Variants in LARS1 observed in about 807,000 individuals in gnomAD.
LARS1 encodes the protein leucyl-tRNA synthetase 1.
A neutral mutation model predicts 162.8 loss-of-function variants in LARS1; 100 were observed. The ratio of observed to expected loss-of-function variants is 0.61; its 90% CI spans 0.52 to 0.73. The LOEUF is 0.73. Among genes scored for constraint, LARS1 ranks in the 30% least tolerant of loss-of-function variants. LARS1 has a pLI of 0.00. For synonymous variants in LARS1, 457 were observed against 462.8 expected (o/e 0.99, Z 0.16); for missense variants, 1,258 against 1,408.9 (o/e 0.89, Z 1.71).
At chr5:146,170,588 A>G (rs1445210162) in intron 4 of LARS1, among the ~76,000 whole-genome samples, 1 of 152,210 alleles carries the variant, frequency 6.6e-6, no homozygotes, top group Non-Finnish European at 1.5e-5. Flanking sequence ...GGAGGGGATA[A>G]CAGGACTCTG....
intron 14 of LARS1, among the ~76,000 whole-genome samples, chr5:146,150,372 T>C (rs766237903): frequency 1.3e-5 from 2 of 152,202 alleles, no homozygotes; most frequent in Non-Finnish European, 2.9e-5. Context: ...TGCATTCTCT[T>C]TTGACATTCT....
chr5:146,154,238 G>A (rs1218277913), intron 10 of LARS1, among the ~76,000 whole-genome samples: 2 of 152,044 alleles, frequency 1.3e-5, no homozygotes, highest in Admixed American at 6.6e-5. Context: ...ATTCACAGGT[G>A]CTATCATAGC....
chr5:146,129,925 G>C, intron 25 of LARS1, 93 bp downstream of exon 25: 1 of 1,318,522 alleles, frequency 7.6e-7, no homozygotes, highest in Admixed American at 2.3e-5. Context: ...CTCACTTTCA[G>C]ACTTTCTCTC....
At chr5:146,170,464 C>T (rs1754210286) in intron 4 of LARS1, among the ~76,000 whole-genome samples, 2 of 142,928 alleles carry the variant, frequency 1.4e-5, no homozygotes, top group East Asian at 2.0e-4. Flanking sequence ...AGCAAGATTC[C>T]GTCTCAAAAA....
At chr5:146,152,645 C>T (rs1218961689) in intron 13 of LARS1, among the ~76,000 whole-genome samples, 1 of 152,136 alleles carries the variant, frequency 6.6e-6, no homozygotes. Context: ...TCCCTGGTGC[C>T]AAAAAGGTTG....
intron 4 of LARS1, among the ~76,000 whole-genome samples, chr5:146,170,225 G>A (rs1754200392): frequency 6.6e-6 from 1 of 152,192 alleles, no homozygotes; most frequent in South Asian, 2.1e-4. Flanking sequence ...TCAGCACTGT[G>A]GGAAGCCAAG....
intron 29 of LARS1, among the ~76,000 whole-genome samples, chr5:146,123,629 GA>G (rs1034055510): frequency 2.0e-4 from 31 of 151,378 alleles, no homozygotes; most frequent in Middle Eastern, 3.4e-3. Context: ...AGGGAGGGGG[GA>G]AAAAAGGCAA....
chr5:146,149,510 T>A, intron 15 of LARS1, 112 bp downstream of exon 15: 1 of 768,716 alleles, frequency 1.3e-6, no homozygotes, highest in East Asian at 2.5e-5. Context: ...CAAAACTGTA[T>A]GATATTTTTA....
At chr5:146,135,374 T>C (rs1289521190) in intron 22 of LARS1, among the ~76,000 whole-genome samples, 1 of 152,116 alleles carries the variant, frequency 6.6e-6, no homozygotes, top group Non-Finnish European at 1.5e-5. Context: ...TTGAGTTCAT[T>C]AAAGGAAGAC....
chr5:146,179,688 C>T (rs771271315), intron 1 of LARS1: 4 of 442,240 alleles, frequency 9.0e-6, no homozygotes, highest in South Asian at 6.4e-5. Flanking sequence ...CAGCCTTGAC[C>T]TACTGGGCTC....
At chr5:146,176,156 A>T (rs879310147) in intron 2 of LARS1, among the ~76,000 whole-genome samples, 2 of 152,016 alleles carry the variant, frequency 1.3e-5, no homozygotes, top group African/African-American at 4.8e-5. Flanking sequence ...TGTCTAAAAA[A>T]AGAAAGAAAG....
chr5:146,161,557 C>G (rs1349723432), intron 6 of LARS1, among the ~76,000 whole-genome samples: 1 of 151,960 alleles, frequency 6.6e-6, no homozygotes. Context: ...GGAGAAACCC[C>G]GTCTCTACTA....
At chr5:146,164,904 G>A (rs940946894) in intron 5 of LARS1, among the ~76,000 whole-genome samples, 3 of 152,186 alleles carry the variant, frequency 2.0e-5, no homozygotes, top group East Asian at 1.9e-4. Context: ...TTGAAGGTAG[G>A]AAATTTGGTT....
intron 10 of LARS1, among the ~76,000 whole-genome samples, chr5:146,156,638 G>A (rs1753541235): frequency 6.6e-6 from 1 of 151,838 alleles, no homozygotes; most frequent in South Asian, 2.1e-4. Flanking sequence ...GAGGTGCAGT[G>A]AGCTGAGATC....
intron 10 of LARS1, among the ~76,000 whole-genome samples, chr5:146,155,726 C>T (rs903414313): frequency 6.6e-6 from 1 of 152,100 alleles, no homozygotes; most frequent in African/African-American, 2.4e-5. Context: ...AACTATTTTG[C>T]AATTTATAAC....
chr5:146,120,607 G>C (rs1181168290), intron 30 of LARS1, 104 bp from the exon 31 acceptor site: 2 of 1,167,854 alleles, frequency 1.7e-6, no homozygotes, highest in East Asian at 2.5e-5. Context: ...TCTAATTCTG[G>C]TATTTTAAAA....
intron 21 of LARS1, chr5:146,139,530 C>G (rs1752667484): frequency 6.6e-6 from 1 of 152,062 alleles, no homozygotes; most frequent in African/African-American, 2.4e-5. Context: ...TCTTCCCTAT[C>G]TCTCTCTTCA....
intron 30 of LARS1, among the ~76,000 whole-genome samples, chr5:146,122,007 A>G (rs1751843452): frequency 6.6e-6 from 1 of 151,396 alleles, no homozygotes; most frequent in Non-Finnish European, 1.5e-5. Flanking sequence ...AGAATATCCA[A>G]AACCTTTTTG....
chr5:146,125,919 A>G (rs1351642552), intron 28 of LARS1, among the ~76,000 whole-genome samples: 1 of 152,010 alleles, frequency 6.6e-6, no homozygotes, highest in Non-Finnish European at 1.5e-5. Context: ...CAGGAAAGGT[A>G]GTTCTACTGG....
Sources: allele counts gnomAD v4.1 joint callset (sites outside exome capture counted in the v4.1 genomes callset), GRCh38; gene constraint gnomAD v4.1.1; transcripts MANE v1.5; gene names NCBI Gene and HGNC (gene_info 2026-07-23, HGNC 2026-07-21).